Variants in FGF14 observed in about 807,000 individuals in gnomAD.
FGF14 encodes the protein fibroblast growth factor homologous factor 4.
In FGF14, 5 loss-of-function variants were observed where a neutral mutation model predicts 25.5. The ratio of observed to expected loss-of-function variants is 0.20; its 90% CI spans 0.10 to 0.41. The LOEUF is 0.41. Ranked by LOEUF, FGF14 falls within the 10% of genes least tolerant of loss-of-function variation. The pLI, the probability that FGF14 is intolerant of heterozygous loss-of-function variation, is 1.00. For synonymous variants in FGF14, 138 were observed against 118.3 expected (o/e 1.17, Z -1.08); for missense variants, 222 against 320.1 (o/e 0.69, Z 2.34).
intron 1 of FGF14, among the ~76,000 whole-genome samples, chr13:102,018,439 C>A (rs1266918837): frequency 1.3e-5 from 2 of 152,134 alleles, no homozygotes; most frequent in African/African-American, 4.8e-5. Flanking sequence ...GGCTCAGAAT[C>A]CTCTACTGAG....
intron 3 of FGF14, among the ~76,000 whole-genome samples, chr13:101,822,685 T>G (rs947447188): frequency 6.6e-6 from 1 of 152,160 alleles, no homozygotes; most frequent in East Asian, 1.9e-4. Flanking sequence ...TCAGGGCCAA[T>G]TGGAATATTC....
intron 1 of FGF14, among the ~76,000 whole-genome samples, chr13:101,964,884 A>G (rs1347814062): frequency 6.6e-6 from 1 of 152,112 alleles, no homozygotes; most frequent in Non-Finnish European, 1.5e-5. Context: ...TTCTGTTTTC[A>G]TATTTAGCAC....
At chr13:102,395,785 C>T (rs1277473913) in intron 1 of FGF14, 1 of 152,224 alleles carries the variant, frequency 6.6e-6, no homozygotes, top group Non-Finnish European at 1.5e-5. Context: ...GACTTTCTTA[C>T]ATGATGTTAC....
intron 1 of FGF14, among the ~76,000 whole-genome samples, chr13:102,125,104 T>C (rs930360360): frequency 6.6e-6 from 1 of 152,168 alleles, no homozygotes; most frequent in Non-Finnish European, 1.5e-5. Context: ...AAACTGTGGA[T>C]TGCTTCATCT....
intron 1 of FGF14, among the ~76,000 whole-genome samples, chr13:101,893,296 T>C (rs1272873354): frequency 6.6e-6 from 1 of 152,222 alleles, no homozygotes; most frequent in African/African-American, 2.4e-5. Context: ...CACCTTGAGC[T>C]GCATGAAGTC....
intron 3 of FGF14, among the ~76,000 whole-genome samples, chr13:101,861,750 C>T (rs1208714851): frequency 1.3e-5 from 2 of 152,058 alleles, no homozygotes; most frequent in Non-Finnish European, 2.9e-5. Flanking sequence ...TATCCAAAAA[C>T]AAGCCAAGAA....
chr13:102,169,309 C>T (rs1359734957), intron 1 of FGF14, among the ~76,000 whole-genome samples: 1 of 152,090 alleles, frequency 6.6e-6, no homozygotes, highest in Admixed American at 6.6e-5. Context: ...ATTCCCCACT[C>T]ACCCCTTCCA....
chr13:102,031,326 C>T (rs908977615), intron 1 of FGF14, among the ~76,000 whole-genome samples: 2 of 152,074 alleles, frequency 1.3e-5, no homozygotes, highest in Admixed American at 6.6e-5. Flanking sequence ...CTTAGCAACA[C>T]ATTACACACC....
rs182254174 is a variant in FGF14 at position 101,717,879 on chromosome 13, T to A, written c.*4952A>T. 1 of 152,132 alleles carries A rather than the reference T, an allele frequency of 6.6e-6. No individual in the cohort carries two copies. The allele number at this position is 152,132 out of a possible 1,614,324, so 9.4% of individuals were successfully genotyped here. A position where few individuals can be genotyped will look rare whatever the true frequency, so the allele number is the denominator to read the frequency against. The stretch of plus-strand genomic sequence containing the variant: ...CTTATTTTTCTTATAATCCTCTGTA[T>A]GTTATTATCCTTTTTATTAACAACA... On this transcript the variant is annotated 3_prime_UTR_variant, in exon 5 of 5. Coordinates refer to ENST00000376143, the MANE Select transcript of FGF14 (RefSeq NM_004115.4).
chr13:101,946,867 C>A (rs955241483), intron 1 of FGF14, among the ~76,000 whole-genome samples: 18 of 152,160 alleles, frequency 1.2e-4, no homozygotes, highest in Admixed American at 1.1e-3. Flanking sequence ...TCATGAGGCA[C>A]TTGGCTGCCT....
chr13:101,909,399 AAAAC>A lies in FGF14; in HGVS notation c.193+7050_193+7053del, dbSNP rs1428551013. 3.3e-5 allele frequency among the ~76,000 whole-genome samples: 5 copies of A among 152,362 alleles called. No individual in the cohort carries two copies. In the South Asian group the frequency reaches 6.2e-4, roughly 19 times the overall value. Reference sequence around the variant, plus strand: ...TGAACTCAGACAAATTTGCAAGAAAAAAACAAACAACCCCATCATAAAGTGGGTG... The same window carrying A: ...TGAACTCAGACAAATTTGCAAGAAAAAAACAACCCCATCATAAAGTGGGTG... On this transcript the variant is annotated intron_variant, in intron 1 of 4. Coordinates refer to ENST00000376143, the MANE Select transcript of FGF14 (RefSeq NM_004115.4).
intron 1 of FGF14, among the ~76,000 whole-genome samples, chr13:102,398,052 T>G (rs1421106950): frequency 9.8e-6 from 1 of 101,612 alleles, no homozygotes; most frequent in Non-Finnish European, 2.1e-5. Context: ...GTGTGTGTGT[T>G]CTCTGATAAT....
At chr13:102,238,204 A>G (rs2051418183) in intron 1 of FGF14, among the ~76,000 whole-genome samples, 1 of 152,242 alleles carries the variant, frequency 6.6e-6, no homozygotes, top group South Asian at 2.1e-4. Flanking sequence ...GGATTTAACA[A>G]GAATATACAA....
At chr13:102,081,616 T>C (rs761380936) in intron 1 of FGF14, among the ~76,000 whole-genome samples, 3 of 152,182 alleles carry the variant, frequency 2.0e-5, no homozygotes, top group Non-Finnish European at 4.4e-5. Context: ...TTATTATCAA[T>C]TGGAATAGAT....
chr13:101,836,975 T>C (rs1039446869), intron 3 of FGF14, among the ~76,000 whole-genome samples: 9 of 152,100 alleles, frequency 5.9e-5, no homozygotes, highest in African/African-American at 2.2e-4. Context: ...TGAAGTTTAT[T>C]AGACTTTCTT....
At chr13:102,164,605 G>T (rs2047918970) in intron 1 of FGF14, among the ~76,000 whole-genome samples, 1 of 152,044 alleles carries the variant, frequency 6.6e-6, no homozygotes, top group African/African-American at 2.4e-5. Flanking sequence ...TAGAGACAAA[G>T]GCAAGAAAGG....
At chr13:102,263,036 A>T (rs1184564898) in intron 1 of FGF14, 3 of 640,426 alleles carry the variant, frequency 4.7e-6, no homozygotes, top group Non-Finnish European at 5.7e-6. Flanking sequence ...CTCATGTGCA[A>T]TTCCTCATAG....
At chr13:101,965,273 G>T (rs2037120922) in intron 1 of FGF14, among the ~76,000 whole-genome samples, 1 of 151,634 alleles carries the variant, frequency 6.6e-6, no homozygotes, top group African/African-American at 2.4e-5. Flanking sequence ...CTCCTCTTGT[G>T]GTTAACTACA....
intron 3 of FGF14, among the ~76,000 whole-genome samples, chr13:101,760,629 C>A (rs1324395632): frequency 6.6e-6 from 1 of 152,186 alleles, no homozygotes; most frequent in Non-Finnish European, 1.5e-5. Context: ...CTTAACCAAC[C>A]ACCTCATCCA....
Sources: gnomAD v4.1 joint callset for allele counts (sites outside exome capture counted in the v4.1 genomes callset) on GRCh38, gnomAD v4.1.1 for gene constraint, MANE v1.5 for transcripts, NCBI Gene and HGNC (gene_info 2026-07-23, HGNC 2026-07-21) for gene names.